Variants in GRIN2A observed in about 807,000 individuals in gnomAD.
The protein encoded by GRIN2A is glutamate receptor ionotropic, NMDA 2A.
A neutral mutation model predicts 113.4 loss-of-function variants in GRIN2A; 22 were observed. That is an observed-to-expected ratio of 0.19 (90% CI 0.14 to 0.28). GRIN2A has a LOEUF of 0.28. Among genes scored for constraint, GRIN2A ranks in the 10% least tolerant of loss-of-function variants. The pLI is 1.00. For synonymous variants in GRIN2A, 827 were observed against 738.4 expected, an observed-to-expected ratio of 1.12 and a Z score of -1.94; for missense variants, 1,502 against 1,887.0, an observed-to-expected ratio of 0.80 and a Z score of 3.78.
At chr16:10,055,732 C>G (rs1342424495) in intron 2 of GRIN2A, among the ~76,000 whole-genome samples, 3 of 152,158 alleles carry the variant, frequency 2.0e-5, no homozygotes, top group Non-Finnish European at 2.9e-5. Flanking sequence ...TCAACAGAAA[C>G]CAATGTAGCC....
intron 10 of GRIN2A, among the ~76,000 whole-genome samples, chr16:9,811,141 C>T (rs556152680): frequency 6.6e-6 from 1 of 152,256 alleles, no homozygotes; most frequent in South Asian, 2.1e-4. Flanking sequence ...CTATTCCAAA[C>T]CTGTGATGCT....
At chr16:9,792,298 C>T (rs1209099148) in intron 11 of GRIN2A, among the ~76,000 whole-genome samples, 1 of 152,148 alleles carries the variant, frequency 6.6e-6, no homozygotes, top group African/African-American at 2.4e-5. Context: ...TCATGGCTCA[C>T]TGCAGCCTCA....
At chr16:9,964,263 C>T (rs1237009394) in intron 2 of GRIN2A, among the ~76,000 whole-genome samples, 1 of 152,162 alleles carries the variant, frequency 6.6e-6, no homozygotes, top group Non-Finnish European at 1.5e-5. Context: ...ACAAGTGTGG[C>T]CCTGGAACCA....
At chr16:9,817,795 G>A (rs925599742) in intron 10 of GRIN2A, among the ~76,000 whole-genome samples, 1 of 152,338 alleles carries the variant, frequency 6.6e-6, no homozygotes, top group Non-Finnish European at 1.5e-5. Context: ...GCATGCACGT[G>A]GCTTTGCTAG....
At chr16:9,994,811 T>C (rs2046192073) in intron 2 of GRIN2A, among the ~76,000 whole-genome samples, 1 of 152,244 alleles carries the variant, frequency 6.6e-6, no homozygotes, top group African/African-American at 2.4e-5. Context: ...AAAGTGCTTT[T>C]TCCAGTGTCT....
At chr16:9,858,419 C>A (rs1034481250) in intron 4 of GRIN2A, among the ~76,000 whole-genome samples, 2 of 151,880 alleles carry the variant, frequency 1.3e-5, no homozygotes, top group Non-Finnish European at 2.9e-5. Context: ...AAAAGCAGTT[C>A]TCAATTCAAC....
At chr16:10,091,105 A>G (rs1229825342) in intron 2 of GRIN2A, among the ~76,000 whole-genome samples, 1 of 152,228 alleles carries the variant, frequency 6.6e-6, no homozygotes. Context: ...GCAATGTGAT[A>G]TGGTGCAACT....
chr16:10,020,842 A>AGGGGTC (rs2046707253), intron 2 of GRIN2A, among the ~76,000 whole-genome samples: 1 of 152,184 alleles, frequency 6.6e-6, no homozygotes, highest in African/African-American at 2.4e-5. Flanking sequence ...CAGGTTTAGC[A>AGGGGTC]GGGGTCCTAC....
chr16:9,916,084 CTT>C (rs1443474344), intron 3 of GRIN2A, among the ~76,000 whole-genome samples: 1 of 152,058 alleles, frequency 6.6e-6, no homozygotes, highest in East Asian at 1.9e-4. Flanking sequence ...AGGTCAATCT[CTT>C]TGTGTAATCT....
intron 2 of GRIN2A, among the ~76,000 whole-genome samples, chr16:10,104,915 C>T (rs1043169252): frequency 3.3e-5 from 5 of 152,032 alleles, no homozygotes; most frequent in African/African-American, 4.8e-5. Context: ...TGAAACTCCA[C>T]GATATGATAA....
chr16:10,092,587 C>T (rs1290100364), intron 2 of GRIN2A, among the ~76,000 whole-genome samples: 1 of 152,164 alleles, frequency 6.6e-6, no homozygotes, highest in East Asian at 1.9e-4. Context: ...ATGTGACATG[C>T]CCTGTTTCAA....
intron 2 of GRIN2A, among the ~76,000 whole-genome samples, chr16:10,097,460 G>A (rs1454300367): frequency 6.6e-6 from 1 of 152,140 alleles, no homozygotes; most frequent in Non-Finnish European, 1.5e-5. Context: ...CATCTATGAA[G>A]CAACAGGAAA....
intron 2 of GRIN2A, among the ~76,000 whole-genome samples, chr16:10,133,405 C>T (rs368155190): frequency 5.3e-5 from 8 of 152,114 alleles, no homozygotes; most frequent in Admixed American, 2.0e-4. Context: ...GTCAGGAGTT[C>T]GAGACCAGCC....
chr16:10,003,815 G>C lies in GRIN2A; in HGVS notation c.415-65264C>G, dbSNP rs2046361458. On this transcript the variant is annotated intron_variant, in intron 2 of 12. Transcript: ENST00000330684. The stretch of plus-strand genomic sequence containing the variant: ...CAAAGACACTGAGCTATGAGTAAGA[G>C]GAATAAGTGCTTGAGAAAGACTGTG... 2.0e-5 allele frequency among the ~76,000 whole-genome samples: 3 copies of C among 152,318 alleles called. 1 individual carries two copies. In the South Asian group the frequency reaches 6.2e-4, roughly 32 times the overall value.
chr16:9,917,507 C>T (rs944108094), intron 3 of GRIN2A, among the ~76,000 whole-genome samples: 4 of 152,204 alleles, frequency 2.6e-5, no homozygotes, highest in South Asian at 4.1e-4. Flanking sequence ...AGGATAATAT[C>T]GCCTACCTCA....
chr16:9,938,689 A>C, intron 2 of GRIN2A, 138 bp from the exon 3 acceptor site: 2 of 699,948 alleles, frequency 2.9e-6, no homozygotes, highest in Non-Finnish European at 5.1e-6. Flanking sequence ...ACTATATCCC[A>C]GACTCCAGAA....
At chr16:9,921,783 A>T (rs2044363755) in intron 3 of GRIN2A, among the ~76,000 whole-genome samples, 1 of 152,202 alleles carries the variant, frequency 6.6e-6, no homozygotes, top group African/African-American at 2.4e-5. Context: ...ACCACAAAGA[A>T]CCTAGAAGGT....
At chr16:10,043,537 T>C (rs369489558) in intron 2 of GRIN2A, among the ~76,000 whole-genome samples, 37 of 152,316 alleles carry the variant, frequency 2.4e-4, no homozygotes, top group East Asian at 9.6e-4. Flanking sequence ...TCTCACTATA[T>C]ATGGTATTGT....
chr16:9,860,180 G>C (rs1323146175), intron 4 of GRIN2A, among the ~76,000 whole-genome samples: 1 of 152,018 alleles, frequency 6.6e-6, no homozygotes, highest in Non-Finnish European at 1.5e-5. Context: ...TATGAAACAG[G>C]CATGGTGGCT....
Sources: gnomAD v4.1 joint callset for allele counts (sites outside exome capture counted in the v4.1 genomes callset) on GRCh38, gnomAD v4.1.1 for gene constraint, MANE v1.5 for transcripts, NCBI Gene and HGNC (gene_info 2026-07-23, HGNC 2026-07-21) for gene names.